The following ADGRL2 variants were observed in gnomAD, a reference collection of about 807,000 sequenced individuals.
The protein encoded by ADGRL2 is adhesion G protein-coupled receptor L2, also known as calcium-independent alpha-latrotoxin receptor 2.
A neutral mutation model predicts 157.4 loss-of-function variants in ADGRL2; 44 were observed. That is an observed-to-expected ratio of 0.28 (90% CI 0.22 to 0.36). ADGRL2 has a LOEUF of 0.36. ADGRL2 is among the 10% of genes least tolerant of loss of function. The pLI, the probability that ADGRL2 is intolerant of heterozygous loss-of-function variation, is 1.00. For missense variants in ADGRL2, 1,510 were observed against 1,768.9 expected, an observed-to-expected ratio of 0.85 and a Z score of 2.63; for synonymous variants, 585 against 624.7, an observed-to-expected ratio of 0.94 and a Z score of 0.95.
At chr1:81,730,520 C>T (rs9324184) in intron 1 of ADGRL2, among the ~76,000 whole-genome samples, 36,065 of 151,866 alleles carry the variant, frequency 0.24, 4,468 homozygotes, top group South Asian at 0.35. Context: ...GTCAGGAGTT[C>T]GCGACCAGCC....
At chr1:81,360,233 T>G (rs1054766491) in intron 1 of ADGRL2, among the ~76,000 whole-genome samples, 1 of 152,052 alleles carries the variant, frequency 6.6e-6, no homozygotes, top group Non-Finnish European at 1.5e-5. Flanking sequence ...GCCTTTGAAC[T>G]GGCTATTTCC....
At position 81,881,598 on chromosome 1, in the gene ADGRL2, T is replaced by C. The variant is rs148532942; in HGVS notation, c.74-25419T>C. Among the ~76,000 whole-genome samples the C allele has an allele frequency of 3.3e-3, 504 of 152,330 alleles. 2 individuals carry two copies. The highest frequency in any genetic ancestry group is 5.7e-3 in the Non-Finnish European group (388 of 68,016). On this transcript the variant is annotated intron_variant, in intron 2 of 23. Transcript: ENST00000686636. The stretch of plus-strand genomic sequence containing the variant: ...TGTTCTTGCTCATGGTTATCCTCTC[T>C]GTTCTGTCTGTTCATCCTGCCAGGG...
intron 1 of ADGRL2, among the ~76,000 whole-genome samples, chr1:81,412,673 A>C (rs4233109): frequency 6.6e-6 from 1 of 152,044 alleles, no homozygotes; most frequent in Admixed American, 6.5e-5. Flanking sequence ...GATTTACAAG[A>C]GGATGAAAGA....
At chr1:81,829,776 T>G (rs1223122207) in intron 1 of ADGRL2, among the ~76,000 whole-genome samples, 1 of 152,208 alleles carries the variant, frequency 6.6e-6, no homozygotes, top group African/African-American at 2.4e-5. Flanking sequence ...ATCAGGACCA[T>G]AAATTTATCA....
chr1:81,898,961 C>T (rs1000271931), intron 2 of ADGRL2, among the ~76,000 whole-genome samples: 1 of 152,052 alleles, frequency 6.6e-6, no homozygotes, highest in Non-Finnish European at 1.5e-5. Context: ...TTCAGCACGG[C>T]GTAGAGTCAC....
chr1:81,777,802 A>T (rs913736440), intron 2 of ADGRL2, among the ~76,000 whole-genome samples: 6 of 152,166 alleles, frequency 3.9e-5, no homozygotes, highest in Non-Finnish European at 8.8e-5. Flanking sequence ...TGATTTTATC[A>T]TCTAATGTAT....
chr1:81,534,247 C>T (rs1465740560), intron 2 of ADGRL2, among the ~76,000 whole-genome samples: 4 of 152,080 alleles, frequency 2.6e-5, no homozygotes, highest in African/African-American at 9.7e-5. Flanking sequence ...CTGCAACCTC[C>T]GCCTCCCAGG....
chr1:81,747,243 G>A (rs1169926389), intron 1 of ADGRL2, among the ~76,000 whole-genome samples: 1 of 146,756 alleles, frequency 6.8e-6, no homozygotes, highest in Non-Finnish European at 1.5e-5. Context: ...ACATATATAT[G>A]TATATGTGTG....
At chr1:81,942,416 G>A (rs1373925284) in intron 5 of ADGRL2, among the ~76,000 whole-genome samples, 1 of 151,666 alleles carries the variant, frequency 6.6e-6, no homozygotes, top group African/African-American at 2.4e-5. Flanking sequence ...TGCTTTTCTT[G>A]CATTTACTTT....
chr1:81,426,621 GA>G, intron 1 of ADGRL2: 1 of 475,990 alleles, frequency 2.1e-6, no homozygotes, highest in Non-Finnish European at 4.1e-6. Flanking sequence ...AGAACATTTG[GA>G]AAAATGGGCA....
intron 2 of ADGRL2, among the ~76,000 whole-genome samples, chr1:81,537,833 G>C (rs1382537171): frequency 6.6e-6 from 1 of 151,682 alleles, no homozygotes; most frequent in Non-Finnish European, 1.5e-5. Flanking sequence ...CCAAGTACCT[G>C]GGATTACAGG....
intron 3 of ADGRL2, among the ~76,000 whole-genome samples, chr1:81,628,187 T>G (rs1263014480): frequency 2.0e-5 from 3 of 152,148 alleles, no homozygotes; most frequent in East Asian, 3.8e-4. Context: ...GTAAATAATA[T>G]TGAAACTAAA....
chr1:81,938,347 C>T (rs1286448355), intron 4 of ADGRL2, among the ~76,000 whole-genome samples: 3 of 151,750 alleles, frequency 2.0e-5, no homozygotes, highest in African/African-American at 7.2e-5. Context: ...AATTATCTTT[C>T]TGGAGCCAGT....
At chr1:81,894,523 A>G (rs1264966758) in intron 2 of ADGRL2, among the ~76,000 whole-genome samples, 1 of 152,176 alleles carries the variant, frequency 6.6e-6, no homozygotes, top group African/African-American at 2.4e-5. Flanking sequence ...CTATCTTTAT[A>G]TCTGTGAGAT....
intron 2 of ADGRL2, among the ~76,000 whole-genome samples, chr1:81,548,483 A>G (rs1210714703): frequency 1.3e-5 from 2 of 151,942 alleles, no homozygotes; most frequent in African/African-American, 2.4e-5. Flanking sequence ...TTAAATGTCA[A>G]TTAAATACTG....
At chr1:81,372,411 G>T (rs185168221) in intron 1 of ADGRL2, among the ~76,000 whole-genome samples, 1 of 152,210 alleles carries the variant, frequency 6.6e-6, no homozygotes, top group Admixed American at 6.5e-5. Context: ...AACACAAGGG[G>T]GAAATATCAG....
intron 1 of ADGRL2, among the ~76,000 whole-genome samples, chr1:81,392,222 C>T (rs986205632): frequency 1.6e-5 from 1 of 61,528 alleles, no homozygotes; most frequent in African/African-American, 3.8e-5. Flanking sequence ...CCTACCCCAT[C>T]CCCACAAAAA....
chr1:81,947,154 T>C (rs1650159330), intron 6 of ADGRL2, among the ~76,000 whole-genome samples: 1 of 152,216 alleles, frequency 6.6e-6, no homozygotes, highest in African/African-American at 2.4e-5. Context: ...AATAGAGCTC[T>C]ATAAAAAAGG....
intron 3 of ADGRL2, among the ~76,000 whole-genome samples, chr1:81,620,307 T>A (rs1207918753): frequency 6.6e-6 from 1 of 152,208 alleles, no homozygotes; most frequent in Non-Finnish European, 1.5e-5. Flanking sequence ...AATACATAAT[T>A]CATTTTTGCA....
Sources: gnomAD v4.1 joint callset for allele counts (sites outside exome capture counted in the v4.1 genomes callset) on GRCh38, gnomAD v4.1.1 for gene constraint, MANE v1.5 for transcripts, NCBI Gene and HGNC (gene_info 2026-07-23, HGNC 2026-07-21) for gene names.